Variants in PTPRN2 observed in about 807,000 individuals in gnomAD.
PTPRN2 encodes the protein receptor-type tyrosine-protein phosphatase N2.
PTPRN2 carries 74 observed loss-of-function variants against 118.8 expected under a neutral mutation model. The observed-to-expected ratio is 0.62, with a 90% confidence interval of 0.52 to 0.76. PTPRN2 has a LOEUF of 0.76. Among genes scored for constraint, PTPRN2 ranks in the 30% least tolerant of loss-of-function variants. The probability of loss-of-function intolerance (pLI) is 0.00; values close to 1 mark genes in which losing one functional copy is unlikely to be tolerated. For missense variants in PTPRN2, 1,481 were observed against 1,394.4 expected (o/e 1.06, Z -0.99); for synonymous variants, 641 against 608.0 (o/e 1.05, Z -0.80).
intron 22 of PTPRN2, among the ~76,000 whole-genome samples, chr7:157,541,125 C>A (rs990161415): frequency 2.6e-5 from 4 of 152,352 alleles, no homozygotes; most frequent in African/African-American, 7.2e-5. Flanking sequence ...GTCCTTCTGA[C>A]CCTACGACTC....
chr7:158,274,782 G>A (rs998389551), intron 3 of PTPRN2, among the ~76,000 whole-genome samples: 1 of 152,214 alleles, frequency 6.6e-6, no homozygotes, highest in South Asian at 2.1e-4. Context: ...CACACAGGGA[G>A]CCTGACTGCA....
At chr7:158,231,375 A>G (rs1230013401) in intron 3 of PTPRN2, among the ~76,000 whole-genome samples, 3 of 152,362 alleles carry the variant, frequency 2.0e-5, no homozygotes, top group African/African-American at 7.2e-5. Context: ...AAAAAGCAAC[A>G]AAGAACATCA....
intron 11 of PTPRN2, among the ~76,000 whole-genome samples, chr7:158,033,485 G>C (rs1254105283): frequency 6.6e-6 from 1 of 152,180 alleles, no homozygotes; most frequent in African/African-American, 2.4e-5. Flanking sequence ...TTATGCAAAT[G>C]AGGTGACAGG....
In PTPRN2 at chr7:157,550,830, G is replaced by C. The variant is rs76873975; in HGVS notation, c.2903-1811C>G. 5.9e-5 allele frequency among the ~76,000 whole-genome samples: 9 copies of C among 152,296 alleles called. No homozygotes were observed. The East Asian group carries it at 1.7e-3, about 29-fold the overall frequency. Reference sequence around the variant, plus strand: ...GGTGGAAGGCGGGGTCAGGTGCACGGGTTTGCTTAATTGCTCCTTTTGGGT... The same window carrying C: ...GGTGGAAGGCGGGGTCAGGTGCACGCGTTTGCTTAATTGCTCCTTTTGGGT... On this transcript the variant is annotated intron_variant, in intron 21 of 22. Transcript: ENST00000389418. The surrounding 1 kb of genome is among the most constrained non-coding windows in gnomAD (Gnocchi z 5.2).
At chr7:157,875,801 C>T (rs1201246597) in intron 12 of PTPRN2, among the ~76,000 whole-genome samples, 4 of 142,174 alleles carry the variant, frequency 2.8e-5, no homozygotes, top group African/African-American at 1.1e-4. Context: ...GGGTGGGCAC[C>T]GGGCTGCAGA....
chr7:157,932,495 G>A (rs1386391587), intron 11 of PTPRN2, among the ~76,000 whole-genome samples: 1 of 152,142 alleles, frequency 6.6e-6, no homozygotes, highest in Admixed American at 6.5e-5. Context: ...CATTTTTAGA[G>A]TAGGGGTGAC....
At chr7:157,991,396 T>C (rs1268025425) in intron 11 of PTPRN2, among the ~76,000 whole-genome samples, 2 of 152,384 alleles carry the variant, frequency 1.3e-5, no homozygotes, top group East Asian at 1.9e-4. Context: ...CCACTTGTTA[T>C]GAACCCAATG....
rs769990636 is a variant in PTPRN2 at position 157,604,067 on chromosome 7, A to C, written c.2353T>G (p.Ser785Ala). 6.2e-7 allele frequency: 1 copy of C among 1,613,722 alleles called. No individual in the cohort carries two copies. Among genetic ancestry groups the C allele is most frequent in the Non-Finnish European group, 8.5e-7 (1 of 1,179,978 alleles). Reference protein sequence around the residue: ...RSLAVLTYDHSRVLLKAENSH... With the variant: ...RSLAVLTYDHARVLLKAENSH... ...TTCTCCGCCTTCAGCAGGACCCGGG[A>C]GTGGTCATCTGCAAGGACACAGTGC... The change falls in exon 16 of 23, where the codon TCC (serine) becomes GCC (alanine). Residue 785 changes from serine to alanine, a missense_variant. Ser to Ala is a moderately conservative substitution (Grantham distance 99). Coordinates refer to ENST00000389418, the MANE Select transcript of PTPRN2 (RefSeq NM_002847.5).
chr7:158,282,487 C>T (rs952609098), intron 3 of PTPRN2, among the ~76,000 whole-genome samples: 4 of 152,186 alleles, frequency 2.6e-5, no homozygotes, highest in South Asian at 2.1e-4. Context: ...GCCAGGAAGC[C>T]GCGGGCAGAG....
At chr7:158,140,438 CACAG>C (rs1373655769) in intron 6 of PTPRN2, among the ~76,000 whole-genome samples, 8 of 152,332 alleles carry the variant, frequency 5.3e-5, no homozygotes, top group Non-Finnish European at 7.3e-5. Flanking sequence ...CTCATAGTTC[CACAG>C]ACAGAGTCTA....
rs77768138 is a variant in PTPRN2 at position 157,879,414 on chromosome 7, C to G, written c.1788+19259G>C. On this transcript the variant is annotated intron_variant, in intron 12 of 22. Coordinates refer to ENST00000389418, the MANE Select transcript of PTPRN2 (RefSeq NM_002847.5). ...ACACACTCGTGCACGCACACGTGCA[C>G]GCACACACACACAGAGCAACGTCCT... is the stretch of plus-strand genomic sequence containing the variant. 8.5e-3 allele frequency among the ~76,000 whole-genome samples: 1,288 copies of G among 152,224 alleles called. 69 individuals carry two copies. The East Asian group carries it at 0.15, about 18-fold the overall frequency.
At chr7:158,186,192 T>C (rs1389014164) in intron 5 of PTPRN2, among the ~76,000 whole-genome samples, 1 of 152,244 alleles carries the variant, frequency 6.6e-6, no homozygotes, top group Non-Finnish European at 1.5e-5. Flanking sequence ...TGGCTTCTGC[T>C]TCTTCCATTC....
intron 12 of PTPRN2, among the ~76,000 whole-genome samples, chr7:157,791,457 G>T (rs1419610319): frequency 1.3e-5 from 2 of 152,184 alleles, no homozygotes. Flanking sequence ...TGGTGCAGGC[G>T]GATGCATGTA....
At chr7:158,576,857 C>T (rs1350483256) in intron 1 of PTPRN2, among the ~76,000 whole-genome samples, 1 of 144,486 alleles carries the variant, frequency 6.9e-6, no homozygotes, top group East Asian at 2.1e-4. Context: ...GGCTGCCCAC[C>T]CTGCCTGATG....
Position 157,557,085 on chromosome 7 carries a change from C to G in PTPRN2, c.2903-8066G>C, listed in dbSNP as rs552602314. 2.9e-3 allele frequency among the ~76,000 whole-genome samples: 445 copies of G among 151,774 alleles called. 3 individuals are homozygous for G. Among genetic ancestry groups the G allele is most frequent in the Non-Finnish European group, 5.6e-3 (381 of 67,900 alleles). ...CTCATGTATCATACATACACACACA[C>G]ACACAGATATACACACAGGCATGCA... On this transcript the variant is annotated intron_variant, in intron 21 of 22. Coordinates refer to ENST00000389418, the MANE Select transcript of PTPRN2 (RefSeq NM_002847.5).
chr7:157,951,557 A>C (rs1483558392), intron 11 of PTPRN2, among the ~76,000 whole-genome samples: 1 of 152,172 alleles, frequency 6.6e-6, no homozygotes, highest in East Asian at 1.9e-4. Flanking sequence ...CTTCCACTGC[A>C]GCAAAGTGGA....
intron 19 of PTPRN2, among the ~76,000 whole-genome samples, chr7:157,574,866 TAAC>T (rs1026314381): frequency 3.3e-5 from 5 of 152,246 alleles, no homozygotes; most frequent in Non-Finnish European, 5.9e-5. Flanking sequence ...ACTGTCCAGA[TAAC>T]ACATGAAAGG....
At chr7:158,571,401 A>G (rs1051006942) in intron 1 of PTPRN2, among the ~76,000 whole-genome samples, 16 of 151,034 alleles carry the variant, frequency 1.1e-4, no homozygotes, top group Admixed American at 3.3e-4. Flanking sequence ...TCACTTGAAC[A>G]TGGGAGGCAG....
chr7:158,400,425 G>C (rs961312767), intron 2 of PTPRN2, among the ~76,000 whole-genome samples: 12 of 152,076 alleles, frequency 7.9e-5, no homozygotes, highest in Non-Finnish European at 1.8e-4. Flanking sequence ...AAACTGGACA[G>C]AAAGCCTCCT....
Sources: allele counts gnomAD v4.1 joint callset (sites outside exome capture counted in the v4.1 genomes callset), GRCh38; gene constraint gnomAD v4.1.1; non-coding constraint Gnocchi (gnomAD v3.1); transcripts MANE v1.5; gene names NCBI Gene and HGNC (gene_info 2026-07-23, HGNC 2026-07-21).